Variants in NFIC observed in about 807,000 individuals in gnomAD.
NFIC encodes nuclear factor 1 C-type.
NFIC carries 12 observed loss-of-function variants against 54.4 expected under a neutral mutation model. The ratio of observed to expected loss-of-function variants is 0.22; its 90% CI spans 0.14 to 0.36. The LOEUF (loss-of-function observed/expected upper bound fraction) is 0.36, where lower values mean the gene tolerates loss of function less well. Ranked by LOEUF, NFIC falls within the 10% of genes least tolerant of loss-of-function variation. The pLI is 1.00. For missense variants in NFIC, 575 were observed against 718.2 expected, an observed-to-expected ratio of 0.80 and a Z score of 2.28; for synonymous variants, 322 against 319.2, an observed-to-expected ratio of 1.01 and a Z score of -0.09.
Position 3,464,436 on chromosome 19 carries a change from C to A in NFIC, c.*1667C>A, listed in dbSNP as rs1599739783. 2 of 984,932 alleles carry A rather than the reference C, an allele frequency of 2.0e-6. No individual in the cohort carries two copies. The highest frequency in any genetic ancestry group is 4.7e-5 in the South Asian group (1 of 21,272). The allele number at this position is 984,932 out of a possible 1,614,324, so 61.0% of individuals were successfully genotyped here. On this transcript the variant is annotated 3_prime_UTR_variant, in exon 11 of 11. Transcript: ENST00000443272. ...CTGGCCCTATCCACACCTCCACCCC[C>A]ACCCCAGGATCGCCATCTTTAGGGG...
intron 2 of NFIC, among the ~76,000 whole-genome samples, chr19:3,396,691 C>T (rs2081470092): frequency 6.6e-6 from 1 of 152,222 alleles, no homozygotes; most frequent in African/African-American, 2.4e-5. Flanking sequence ...CACGGCGGCT[C>T]ACACCTGTAA....
chr19:3,417,287 A>G (rs1193935966), intron 2 of NFIC, among the ~76,000 whole-genome samples: 1 of 152,160 alleles, frequency 6.6e-6, no homozygotes, highest in Non-Finnish European at 1.5e-5. Flanking sequence ...AAAGCAGAAC[A>G]ACAGCAGAAC....
intron 2 of NFIC, among the ~76,000 whole-genome samples, chr19:3,393,814 C>A (rs1387956906): frequency 3.9e-4 from 31 of 79,786 alleles, no homozygotes; most frequent in African/African-American, 1.7e-3. Context: ...GAGACTCTGT[C>A]TCAAAAAAAA....
At position 3,464,484 on chromosome 19, in the gene NFIC, T is replaced by G. The variant is rs1599739893; in HGVS notation, c.*1715T>G. On this transcript the variant is annotated 3_prime_UTR_variant, in exon 11 of 11. Coordinates refer to ENST00000443272, the MANE Select transcript of NFIC (RefSeq NM_001245002.2). ...GGGAGGCCTGGGAGGGGGTGTTAGG[T>G]GTTTTAGGGCCACCGAGCTCAAACA... is the stretch of plus-strand genomic sequence containing the variant. The G allele has an allele frequency of 1.0e-6, 1 of 964,198 alleles. No individual in the cohort carries two copies. The highest frequency in any genetic ancestry group is 2.0e-5 in the African/African-American group (1 of 49,730). The allele number at this position is 964,198 out of a possible 1,614,324, so 59.7% of individuals were successfully genotyped here. A position where few individuals can be genotyped will look rare whatever the true frequency, so the allele number is the denominator to read the frequency against.
At chr19:3,376,047 C>A (rs2081102220) in intron 1 of NFIC, among the ~76,000 whole-genome samples, 1 of 152,138 alleles carries the variant, frequency 6.6e-6, no homozygotes, top group African/African-American at 2.4e-5. Context: ...AGGTCTCCGC[C>A]CCTCTCTGAG....
At chr19:3,418,286 G>A (rs117000687) in intron 2 of NFIC, among the ~76,000 whole-genome samples, 2,202 of 151,818 alleles carry the variant, frequency 0.015, 81 homozygotes, top group East Asian at 0.097. Context: ...TTGTAGAGAC[G>A]GGGTCTCGCC....
intron 2 of NFIC, among the ~76,000 whole-genome samples, chr19:3,401,957 A>G (rs953482517): frequency 3.9e-5 from 6 of 152,054 alleles, no homozygotes; most frequent in Non-Finnish European, 8.8e-5. Flanking sequence ...CCTGAACTCA[A>G]TTGATCCAAC....
Position 3,463,288 on chromosome 19 carries a change from C to T in NFIC, c.*519C>T. ...TCTCCCCGGGCCCCCGCGCCTCTGC[C>T]GGACACGGACCGGCCCCTCAGCCCC... On this transcript the variant is annotated 3_prime_UTR_variant, in exon 11 of 11. Transcript: ENST00000443272. 1 of 989,160 alleles carries T rather than the reference C, an allele frequency of 1.0e-6. No individual in the cohort carries two copies. Among genetic ancestry groups the T allele is most frequent in the Non-Finnish European group, 1.2e-6 (1 of 832,812 alleles). The allele number at this position is 989,160 out of a possible 1,614,324, so 61.3% of individuals were successfully genotyped here. A position where few individuals can be genotyped will look rare whatever the true frequency, so the allele number is the denominator to read the frequency against.
At chr19:3,444,551 G>C (rs923128165) in intron 6 of NFIC, among the ~76,000 whole-genome samples, 27 of 152,212 alleles carry the variant, frequency 1.8e-4, no homozygotes, top group Non-Finnish European at 4.0e-4. Flanking sequence ...CCGGGAGCGT[G>C]CCGGCTTATT....
At chr19:3,409,871 G>T (rs375494149) in intron 2 of NFIC, among the ~76,000 whole-genome samples, 11 of 152,214 alleles carry the variant, frequency 7.2e-5, no homozygotes, top group African/African-American at 1.2e-4. Context: ...GACCTGGGAA[G>T]TCAAGAGACC....
At chr19:3,374,360 A>G (rs969845946) in intron 1 of NFIC, among the ~76,000 whole-genome samples, 1 of 152,078 alleles carries the variant, frequency 6.6e-6, no homozygotes, top group South Asian at 2.1e-4. Context: ...CCTTCTCCCC[A>G]TCACCTTGCA....
At chr19:3,431,525 C>T (rs996660720) in intron 3 of NFIC, among the ~76,000 whole-genome samples, 3 of 151,536 alleles carry the variant, frequency 2.0e-5, no homozygotes, top group Non-Finnish European at 4.4e-5. Context: ...TGCACCACCA[C>T]GCCCAGCTAA....
chr19:3,359,811 C>T lies in NFIC; in HGVS notation c.3+126C>T, dbSNP rs536570649. 2.0e-3 allele frequency: 2,058 copies of T among 1,018,286 alleles called. 19 individuals carry two copies. In the African/African-American group the frequency reaches 0.023, roughly 11 times the overall value. The allele number at this position is 1,018,286 out of a possible 1,614,324, so 63.1% of individuals were successfully genotyped here. ...GGCCGCCCGGAGGAGGGGCTCGAGG[C>T]GGGGACCCCCACTCGCCAGTCGCCA... On this transcript the variant is annotated intron_variant, in intron 1 of 9. Coordinates refer to the NFIC transcript ENST00000395111.
At chr19:3,456,494 G>A (rs1027245305) in intron 9 of NFIC, 56 bp from the exon 10 acceptor site, 71 of 1,528,552 alleles carry the variant, frequency 4.6e-5, no homozygotes, top group South Asian at 1.1e-4. Context: ...GGCCAGGGCC[G>A]CCCCGGCTCC....
In NFIC at chr19:3,381,673, T is replaced by A. The variant is rs1302555132; in HGVS notation, c.31-39T>A. On this transcript the variant is annotated intron_variant, in intron 1 of 10. Transcript: ENST00000443272. The stretch of plus-strand genomic sequence containing the variant: ...CCGGGCAGTGGGTCCGCCCTCTGCG[T>A]CCCTGGCGCTCCTGACCTCTCGCCT... 8.7e-6 allele frequency: 14 copies of A among 1,603,530 alleles called. No individual in the cohort carries two copies. The South Asian group carries it at 1.6e-4, about 18-fold the overall frequency.
chr19:3,384,905 C>T (rs892872266), intron 2 of NFIC, among the ~76,000 whole-genome samples: 1 of 152,150 alleles, frequency 6.6e-6, no homozygotes, highest in African/African-American at 2.4e-5. Context: ...CTCTCTGCCA[C>T]CACACATCTT....
chr19:3,393,475 A>T (rs932348510), intron 2 of NFIC, among the ~76,000 whole-genome samples: 1 of 152,130 alleles, frequency 6.6e-6, no homozygotes, highest in Admixed American at 6.6e-5. Context: ...CACACAGGTG[A>T]TTCTAGAATT....
intron 2 of NFIC, among the ~76,000 whole-genome samples, chr19:3,417,517 T>G (rs999244194): frequency 2.0e-5 from 3 of 152,036 alleles, no homozygotes; most frequent in African/African-American, 7.2e-5. Context: ...CCTTCGACAT[T>G]ATGCACTTTG....
At chr19:3,448,988 A>C (rs1568192956) in intron 6 of NFIC, 26 bp from the exon 7 acceptor site, 1 of 1,600,378 alleles carries the variant, frequency 6.2e-7, no homozygotes. Context: ...CCAGCCTGTG[A>C]CTCTCTCGTC....
Sources: allele counts gnomAD v4.1 joint callset (sites outside exome capture counted in the v4.1 genomes callset), GRCh38; gene constraint gnomAD v4.1.1; transcripts MANE v1.5; gene names NCBI Gene and HGNC (gene_info 2026-07-23, HGNC 2026-07-21).